Variants in RTF1 observed in about 807,000 individuals in gnomAD.
The protein encoded by RTF1 is RTF1 homolog, Paf1/RNA polymerase II complex component, also known as RNA polymerase-associated protein RTF1 homolog.
Under a neutral mutation model 95.7 loss-of-function variants are expected in RTF1, and 10 were observed. The ratio of observed to expected loss-of-function variants is 0.10; its 90% CI spans 0.06 to 0.18. The LOEUF is 0.18. Ranked by LOEUF, RTF1 falls within the 10% of genes least tolerant of loss-of-function variation. The pLI, the probability that RTF1 is intolerant of heterozygous loss-of-function variation, is 1.00. For missense variants in RTF1, 458 were observed against 875.6 expected, an observed-to-expected ratio of 0.52 and a Z score of 6.02; for synonymous variants, 305 against 311.8, an observed-to-expected ratio of 0.98 and a Z score of 0.23.
chr15:41,466,724 A>G (rs1394196287), intron 6 of RTF1, among the ~76,000 whole-genome samples: 1 of 152,272 alleles, frequency 6.6e-6, no homozygotes, highest in Non-Finnish European at 1.5e-5. Context: ...TAAAGTCCAT[A>G]CATTGTGATC....
intron 1 of RTF1, among the ~76,000 whole-genome samples, chr15:41,427,580 TGA>T (rs2050642387): frequency 6.6e-6 from 1 of 152,042 alleles, no homozygotes. Flanking sequence ...CCCAGGAGGC[TGA>T]GATAGGAGGA....
chr15:41,477,554 T>G, intron 14 of RTF1, 39 bp downstream of exon 14: 1 of 1,561,182 alleles, frequency 6.4e-7, no homozygotes, highest in Non-Finnish European at 8.8e-7. Context: ...ACAAAGTTAA[T>G]TAATAAACCA....
At position 41,475,410 on chromosome 15, in the gene RTF1, A is replaced by G. The variant is rs2050937369; in HGVS notation, c.1287-115A>G. ...GGGATGATTTTATAGGGTAGCTAGGATTGAGAACCACTGCAATAGGTATAT... is the reference window on the plus strand; with the variant it reads ...GGGATGATTTTATAGGGTAGCTAGGGTTGAGAACCACTGCAATAGGTATAT... On this transcript the variant is annotated intron_variant, in intron 9 of 17. Transcript: ENST00000389629. The G allele has an allele frequency of 3.9e-6, 3 of 768,768 alleles. No individual in the cohort carries two copies. The South Asian group carries it at 5.0e-5, about 13-fold the overall frequency. 47.6% of individuals were successfully genotyped at this position (768,768 alleles called of 1,614,324 possible). A position where few individuals can be genotyped will look rare whatever the true frequency, so the allele number is the denominator to read the frequency against.
chr15:41,451,194 G>A (rs2140957646), intron 2 of RTF1, among the ~76,000 whole-genome samples: 1 of 152,194 alleles, frequency 6.6e-6, no homozygotes, highest in South Asian at 2.1e-4. Flanking sequence ...CAAAGACTTT[G>A]TGCCTTTGTT....
At chr15:41,441,106 G>C (rs913828623) in intron 2 of RTF1, among the ~76,000 whole-genome samples, 17 of 151,284 alleles carry the variant, frequency 1.1e-4, no homozygotes, top group Non-Finnish European at 5.9e-5. Flanking sequence ...CAAATAGCTG[G>C]GACTACAGGC....
chr15:41,472,311 A>G (rs1253013547), intron 8 of RTF1, among the ~76,000 whole-genome samples: 1 of 150,420 alleles, frequency 6.6e-6, no homozygotes, highest in Non-Finnish European at 1.5e-5. Context: ...GGTTCAAGTA[A>G]TTCCCCTGCC....
chr15:41,467,125 C>T (rs1363153151), intron 6 of RTF1, among the ~76,000 whole-genome samples: 1 of 152,172 alleles, frequency 6.6e-6, no homozygotes, highest in Non-Finnish European at 1.5e-5. Context: ...CCCTGTTCTG[C>T]TCATGCATCT....
In RTF1 at chr15:41,482,613, A is replaced by C. The variant is rs905099920; in HGVS notation, c.*1926A>C. The C allele has an allele frequency of 2.0e-5, 3 of 152,644 alleles. No individual in the cohort carries two copies. The highest frequency in any genetic ancestry group is 4.4e-5 in the Non-Finnish European group (3 of 68,040). The allele number at this position is 152,644 out of a possible 1,614,324, so 9.5% of individuals were successfully genotyped here. Reference sequence around the variant, plus strand: ...TAAAATTGCTAAATATGACTGTAACACAGCTTTGTGGTAGCTGTGACACAG... The same window carrying C: ...TAAAATTGCTAAATATGACTGTAACCCAGCTTTGTGGTAGCTGTGACACAG... On this transcript the variant is annotated 3_prime_UTR_variant, in exon 18 of 18. Coordinates refer to ENST00000389629, the MANE Select transcript of RTF1 (RefSeq NM_015138.5).
intron 2 of RTF1, among the ~76,000 whole-genome samples, chr15:41,443,904 A>G (rs1356035391): frequency 6.6e-6 from 1 of 151,662 alleles, no homozygotes; most frequent in Non-Finnish European, 1.5e-5. Context: ...TGTCTCTACT[A>G]AAAATACAAA....
chr15:41,476,703 A>G (rs950265095), intron 12 of RTF1, among the ~76,000 whole-genome samples, 180 bp downstream of exon 12: 3 of 152,202 alleles, frequency 2.0e-5, no homozygotes, highest in African/African-American at 7.2e-5. Flanking sequence ...CCATTCCCTA[A>G]ATTCAAACTC....
chr15:41,479,763 T>G (rs1484054569), intron 16 of RTF1, among the ~76,000 whole-genome samples: 2 of 149,974 alleles, frequency 1.3e-5, no homozygotes, highest in Non-Finnish European at 2.9e-5. Flanking sequence ...CTGAGGAGGC[T>G]GAGGCAGGAA....
chr15:41,423,323 G>T (rs1471570237), intron 1 of RTF1, among the ~76,000 whole-genome samples: 7 of 152,012 alleles, frequency 4.6e-5, no homozygotes, highest in African/African-American at 1.7e-4. Context: ...GATGTAATTC[G>T]CTTGTTAATT....
chr15:41,474,824 A>G (rs2050934529), intron 9 of RTF1, 122 bp downstream of exon 9: 2 of 761,678 alleles, frequency 2.6e-6, no homozygotes, highest in Non-Finnish European at 2.4e-6. Flanking sequence ...AATCCCCACA[A>G]GGTACACTTG....
At chr15:41,421,802 C>T (rs2140943544) in intron 1 of RTF1, among the ~76,000 whole-genome samples, 1 of 151,478 alleles carries the variant, frequency 6.6e-6, no homozygotes, top group South Asian at 2.1e-4. Context: ...GCGTTGACCT[C>T]CCTAGCTCAG....
chr15:41,440,552 C>T (rs1284888245), intron 2 of RTF1, among the ~76,000 whole-genome samples: 1 of 139,596 alleles, frequency 7.2e-6, no homozygotes, highest in Non-Finnish European at 1.5e-5. Flanking sequence ...TGCAGTGGTG[C>T]GATCTCAGCT....
In RTF1 at chr15:41,424,997, C is replaced by T. The variant is rs1177643905; in HGVS notation, c.198+7684C>T. On this transcript the variant is annotated intron_variant, in intron 1 of 17. Coordinates refer to ENST00000389629, the MANE Select transcript of RTF1 (RefSeq NM_015138.5). Reference sequence around the variant, plus strand: ...ATTAGCCTGGGTGACAGAGAGACTCCGTCTAAAAAAAACAAAAGAAAAAAA... The same window carrying T: ...ATTAGCCTGGGTGACAGAGAGACTCTGTCTAAAAAAAACAAAAGAAAAAAA... 4.0e-5 allele frequency among the ~76,000 whole-genome samples: 6 copies of T among 151,320 alleles called. 1 individual carries two copies. The highest frequency in any genetic ancestry group is 4.2e-4 in the South Asian group (2 of 4,788).
At chr15:41,438,193 C>A in intron 1 of RTF1, 128 bp from the exon 2 acceptor site, 1 of 534,586 alleles carries the variant, frequency 1.9e-6, no homozygotes, top group South Asian at 2.8e-5. Flanking sequence ...ATAGAAGTCC[C>A]TGTGACAATG....
At position 41,475,676 on chromosome 15, in the gene RTF1, C is replaced by T. The variant is rs1197300101; in HGVS notation, c.1375-36C>T. ...GTTGAGAAAATATCTTTCCAAAATCCCTTACTAATAATCTCGTATCGTGTT... is the reference window on the plus strand; with the variant it reads ...GTTGAGAAAATATCTTTCCAAAATCTCTTACTAATAATCTCGTATCGTGTT... On this transcript the variant is annotated intron_variant, in intron 10 of 17. Transcript: ENST00000389629. 1.1e-5 allele frequency: 17 copies of T among 1,599,472 alleles called. No homozygotes were observed. In the Admixed American group the frequency reaches 2.8e-4, roughly 27 times the overall value.
chr15:41,453,707 C>T (rs2050799262), intron 3 of RTF1, among the ~76,000 whole-genome samples: 1 of 148,694 alleles, frequency 6.7e-6, no homozygotes, highest in African/African-American at 2.5e-5. Context: ...AGTGACAGAG[C>T]AAGACCCTTT....
Sources: gnomAD v4.1 joint callset for allele counts (sites outside exome capture counted in the v4.1 genomes callset) on GRCh38, gnomAD v4.1.1 for gene constraint, MANE v1.5 for transcripts, NCBI Gene and HGNC (gene_info 2026-07-23, HGNC 2026-07-21) for gene names.